The following RGS7BP variants were observed in gnomAD, a reference collection of about 807,000 sequenced individuals.
RGS7BP encodes the protein regulator of G protein signaling 7 binding protein.
In RGS7BP, 9 loss-of-function variants were observed where a neutral mutation model predicts 31.3. The observed-to-expected ratio is 0.29, with a 90% CI of 0.17 to 0.50. The LOEUF is 0.50. Ranked by LOEUF, RGS7BP falls within the 20% of genes least tolerant of loss-of-function variation. The pLI, the probability that RGS7BP is intolerant of heterozygous loss-of-function variation, is 0.98. For missense variants in RGS7BP, 274 were observed against 322.0 expected (o/e 0.85, Z 1.14); for synonymous variants, 115 against 120.1 (o/e 0.96, Z 0.28).
chr5:64,567,566 A>G (rs948430528), intron 2 of RGS7BP, among the ~76,000 whole-genome samples: 1 of 152,022 alleles, frequency 6.6e-6, no homozygotes, highest in African/African-American at 2.4e-5. Flanking sequence ...AATCCATATT[A>G]TTTTTCTCAA....
chr5:64,521,847 C>G (rs1372496862), intron 2 of RGS7BP, among the ~76,000 whole-genome samples: 1 of 152,174 alleles, frequency 6.6e-6, no homozygotes, highest in African/African-American at 2.4e-5. Context: ...AATGATTCTA[C>G]TCCATTCTGT....
intron 2 of RGS7BP, among the ~76,000 whole-genome samples, chr5:64,527,108 G>A (rs1199655389): frequency 1.3e-5 from 2 of 152,198 alleles, no homozygotes. Context: ...GTTAGCTCAA[G>A]AAAGAATAAT....
intron 1 of RGS7BP, among the ~76,000 whole-genome samples, chr5:64,507,076 A>G (rs1334665057): frequency 1.3e-5 from 2 of 152,208 alleles, no homozygotes; most frequent in African/African-American, 2.4e-5. Flanking sequence ...CGAAAGACAC[A>G]GTGAACTGGC....
intron 2 of RGS7BP, among the ~76,000 whole-genome samples, chr5:64,528,210 G>A (rs1749280033): frequency 6.6e-6 from 1 of 152,152 alleles, no homozygotes. Flanking sequence ...TCCTGGCGGG[G>A]CTGCCCTCAT....
chr5:64,511,430 A>G (rs1748829075), intron 2 of RGS7BP, among the ~76,000 whole-genome samples: 2 of 152,226 alleles, frequency 1.3e-5, no homozygotes, highest in African/African-American at 4.8e-5. Context: ...TAAAGCTAAG[A>G]GGGGCCTTAA....
At chr5:64,571,229 A>T (rs917558562) in intron 2 of RGS7BP, among the ~76,000 whole-genome samples, 6 of 152,030 alleles carry the variant, frequency 3.9e-5, no homozygotes, top group African/African-American at 1.4e-4. Flanking sequence ...TTTGTGATTT[A>T]TCTATGTTGT....
intron 2 of RGS7BP, among the ~76,000 whole-genome samples, chr5:64,552,825 C>T (rs1741827251): frequency 6.6e-6 from 1 of 152,184 alleles, no homozygotes; most frequent in East Asian, 1.9e-4. Context: ...AACCCTCCTG[C>T]CTCAGCCTCC....
chr5:64,568,961 G>C (rs1192322652), intron 2 of RGS7BP, among the ~76,000 whole-genome samples: 4 of 152,060 alleles, frequency 2.6e-5, no homozygotes, highest in Non-Finnish European at 5.9e-5. Context: ...GGACAACACG[G>C]AGATGGTCAC....
In RGS7BP at chr5:64,610,499, T is replaced by C. The variant is rs1462688536; in HGVS notation, c.*1247T>C. 6.6e-6 allele frequency: 1 copy of C among 151,890 alleles called. No individual in the cohort carries two copies. The highest frequency in any genetic ancestry group is 1.5e-5 in the Non-Finnish European group (1 of 67,892). 9.4% of individuals were successfully genotyped at this position (151,890 alleles called of 1,614,324 possible). A position where few individuals can be genotyped will look rare whatever the true frequency, so the allele number is the denominator to read the frequency against. On this transcript the variant is annotated 3_prime_UTR_variant, in exon 6 of 6. Coordinates refer to ENST00000334025, the MANE Select transcript of RGS7BP (RefSeq NM_001029875.3). Reference sequence around the variant, plus strand: ...GCACTTTTTTTCTTGTTTTCCATAGTCTGAAAAACCTTCAAGTCAGACAGG... The same window carrying C: ...GCACTTTTTTTCTTGTTTTCCATAGCCTGAAAAACCTTCAAGTCAGACAGG...
intron 4 of RGS7BP, among the ~76,000 whole-genome samples, chr5:64,595,758 C>T (rs1423642256): frequency 6.6e-6 from 1 of 151,984 alleles, no homozygotes; most frequent in Non-Finnish European, 1.5e-5. Flanking sequence ...ACATAATGAA[C>T]ATTTTATTTT....
Position 64,612,316 on chromosome 5 carries a change from G to A in RGS7BP, c.*3064G>A, listed in dbSNP as rs868127919. ...TTAAAAAAACAAACAAAAAAAACAA[G>A]CCAGAAAAAAAAAATTCTGTCCGCT... On this transcript the variant is annotated 3_prime_UTR_variant, in exon 6 of 6. Coordinates refer to ENST00000334025, the MANE Select transcript of RGS7BP (RefSeq NM_001029875.3). The A allele has an allele frequency of 6.6e-6, 1 of 151,558 alleles. No individual in the cohort carries two copies. The highest frequency in any genetic ancestry group is 2.4e-5 in the African/African-American group (1 of 41,120). The allele number at this position is 151,558 out of a possible 1,614,324, so 9.4% of individuals were successfully genotyped here.
At chr5:64,550,397 T>C (rs1045359769) in intron 2 of RGS7BP, among the ~76,000 whole-genome samples, 4 of 152,134 alleles carry the variant, frequency 2.6e-5, no homozygotes, top group African/African-American at 9.7e-5. Context: ...TCTCTTTTTC[T>C]AAAGGCACTA....
intron 2 of RGS7BP, among the ~76,000 whole-genome samples, chr5:64,543,510 A>G (rs568262160): frequency 1.6e-4 from 25 of 152,098 alleles, no homozygotes; most frequent in African/African-American, 6.0e-4. Context: ...TCTCTCACTC[A>G]AGACAGCTCC....
At chr5:64,576,295 TA>T (rs1157248238) in intron 3 of RGS7BP, among the ~76,000 whole-genome samples, 2 of 152,174 alleles carry the variant, frequency 1.3e-5, no homozygotes, top group Admixed American at 6.5e-5. Flanking sequence ...CCCAAAGATT[TA>T]AAAATAGAGG....
chr5:64,564,706 T>C (rs1378840672), intron 2 of RGS7BP, among the ~76,000 whole-genome samples: 1 of 152,142 alleles, frequency 6.6e-6, no homozygotes, highest in Admixed American at 6.6e-5. Flanking sequence ...TAAGCTCACT[T>C]TGCAGACTGT....
intron 2 of RGS7BP, among the ~76,000 whole-genome samples, chr5:64,537,311 T>C (rs13360171): frequency 0.32 from 48,016 of 152,124 alleles, 8,376 homozygotes; most frequent in East Asian, 0.65. Flanking sequence ...TAAGAAAGTT[T>C]ACAAATTTGT....
intron 2 of RGS7BP, among the ~76,000 whole-genome samples, chr5:64,523,312 G>A (rs1561321816): frequency 6.6e-6 from 1 of 150,850 alleles, no homozygotes; most frequent in African/African-American, 2.4e-5. Flanking sequence ...TGATTCCCAT[G>A]GGGAAATATT....
intron 3 of RGS7BP, among the ~76,000 whole-genome samples, chr5:64,589,295 CA>C (rs1304041763): frequency 1.4e-5 from 2 of 140,306 alleles, no homozygotes; most frequent in Non-Finnish European, 3.1e-5. Flanking sequence ...GACTCTGTCT[CA>C]AAAAAAAACA....
At chr5:64,538,546 C>CTTTTTTTTTTTTTTTTTCTTTTTTT in intron 2 of RGS7BP, among the ~76,000 whole-genome samples, 2 of 40,022 alleles carry the variant, frequency 5.0e-5, no homozygotes, top group Non-Finnish European at 8.4e-5. Context: ...TTTTCCTTTT[C>CTTTTTTTTTTTTTTTTTCTTTTTTT]TTTTTTTTTT....
Sources: gnomAD v4.1 joint callset for allele counts (sites outside exome capture counted in the v4.1 genomes callset) on GRCh38, gnomAD v4.1.1 for gene constraint, MANE v1.5 for transcripts, NCBI Gene and HGNC (gene_info 2026-07-23, HGNC 2026-07-21) for gene names.